The following CFAP45 variants were observed in gnomAD, a reference collection of about 807,000 sequenced individuals.
CFAP45 encodes cilia and flagella associated protein 45, also known as cilia- and flagella-associated protein 45.
CFAP45 carries 43 observed loss-of-function variants against 75.6 expected under a neutral mutation model. The observed-to-expected ratio is 0.57, with a 90% CI of 0.45 to 0.73. CFAP45 has a LOEUF of 0.73. Among genes scored for constraint, CFAP45 ranks in the 30% least tolerant of loss-of-function variants. The pLI, the probability that CFAP45 is intolerant of heterozygous loss-of-function variation, is 0.00. For missense variants in CFAP45, 689 were observed against 701.5 expected (o/e 0.98, Z 0.20); for synonymous variants, 223 against 244.6 (o/e 0.91, Z 0.82).
intron 8 of CFAP45, 69 bp downstream of exon 8, chr1:159,880,485 C>T: frequency 3.4e-6 from 5 of 1,454,040 alleles, no homozygotes; most frequent in Non-Finnish European, 3.8e-6. Flanking sequence ...TCCCTTAGTT[C>T]TCAGGCCCTC....
chr1:159,899,160 T>C (rs955015981), intron 1 of CFAP45, among the ~76,000 whole-genome samples: 2 of 152,144 alleles, frequency 1.3e-5, no homozygotes, highest in African/African-American at 2.4e-5. Context: ...CAGGCTTTGC[T>C]GGCCTTCTCA....
chr1:159,900,000 A>C, intron 1 of CFAP45, 96 bp downstream of exon 1: 1 of 1,426,406 alleles, frequency 7.0e-7, no homozygotes, highest in Non-Finnish European at 9.8e-7. Context: ...CCTGACCCCT[A>C]GACCCAACTG....
intron 4 of CFAP45, 148 bp from the exon 5 acceptor site, chr1:159,888,159 T>C (rs1430062256): frequency 8.4e-6 from 9 of 1,073,686 alleles, no homozygotes; most frequent in Non-Finnish European, 1.2e-5. Context: ...CTGGCTTCAT[T>C]CTCAGCCCTC....
chr1:159,886,617 G>C lies in CFAP45; in HGVS notation c.661C>G (p.Leu221Val). 3.7e-6 allele frequency: 6 copies of C among 1,614,082 alleles called. No homozygotes were observed. The highest frequency in any genetic ancestry group is 5.1e-6 in the Non-Finnish European group (6 of 1,179,978). ...ILEKQQIQKELDTEEKRLDQM... is the reference protein window; with the variant it reads ...ILEKQQIQKEVDTEEKRLDQM... ...TCCAACCGCTTCTCTTCTGTGTCCA[G>C]TTCTTTTTGGATCTGCTGCTTCTCC... Residue 221 changes from leucine to valine, a missense_variant, in exon 6 of 12, where the codon CTG becomes GTG. Coordinates refer to ENST00000368099, the MANE Select transcript of CFAP45 (RefSeq NM_012337.3).
intron 11 of CFAP45, 140 bp from the exon 12 acceptor site, chr1:159,872,703 C>A: frequency 2.4e-6 from 2 of 818,262 alleles, no homozygotes; most frequent in Non-Finnish European, 4.0e-6. Flanking sequence ...CCCCGAAACA[C>A]ACATTCATGC....
In CFAP45 at chr1:159,876,738, C is replaced by G; in HGVS notation, c.1170G>C (p.Arg390=). Residue 390 remains arginine, a synonymous_variant, in exon 10 of 12, where the codon CGG becomes CGC. Transcript: ENST00000368099. ...CTGCAACCTCCTGGTTGCGCTTGGC[C>G]CGCAAGGCATCCTGGGAATGTTGGC... ...QDYQAEQDAL[R]AKRNQEVADR... 1.2e-6 allele frequency: 2 copies of G among 1,614,176 alleles called. No homozygotes were observed. Among genetic ancestry groups the G allele is most frequent in the Non-Finnish European group, 1.7e-6 (2 of 1,180,022 alleles).
chr1:159,881,267 C>A (rs1011613832), intron 7 of CFAP45, among the ~76,000 whole-genome samples: 1 of 152,198 alleles, frequency 6.6e-6, no homozygotes, highest in Non-Finnish European at 1.5e-5. Context: ...AAGTGACTTC[C>A]CCACCGGCCA....
chr1:159,899,918 A>G (rs1650035378), intron 1 of CFAP45, 178 bp downstream of exon 1: 1 of 617,038 alleles, frequency 1.6e-6, no homozygotes, highest in African/African-American at 1.9e-5. Flanking sequence ...TGCTATCCCT[A>G]ATTCCTCTTT....
At chr1:159,893,355 G>C in intron 1 of CFAP45, 50 bp from the exon 2 acceptor site, 2 of 1,597,552 alleles carry the variant, frequency 1.3e-6, no homozygotes, top group Non-Finnish European at 1.7e-6. Flanking sequence ...GTGGCATCCA[G>C]ACCCTGGGAA....
chr1:159,890,182 C>G (rs969203552), intron 3 of CFAP45, among the ~76,000 whole-genome samples: 4 of 152,188 alleles, frequency 2.6e-5, no homozygotes, highest in African/African-American at 9.7e-5. Context: ...AGAGAGGACT[C>G]ACTAAGCACC....
At chr1:159,890,711 C>T (rs1649807523) in intron 2 of CFAP45, 89 bp from the exon 3 acceptor site, 4 of 1,167,234 alleles carry the variant, frequency 3.4e-6, no homozygotes, top group South Asian at 2.7e-5. Flanking sequence ...AGCGTGATGC[C>T]CTGTATCTGA....
intron 10 of CFAP45, 74 bp downstream of exon 10, chr1:159,876,482 T>G: frequency 9.0e-7 from 1 of 1,108,366 alleles, no homozygotes; most frequent in South Asian, 1.3e-5. Flanking sequence ...GCCAGAAAGC[T>G]TCTCTCTATC....
At chr1:159,876,452 C>A (rs777441356) in intron 10 of CFAP45, 104 bp downstream of exon 10, 2 of 823,238 alleles carry the variant, frequency 2.4e-6, no homozygotes, top group Non-Finnish European at 4.1e-6. Flanking sequence ...CAGACAAGAT[C>A]GACGAGCATC....
intron 7 of CFAP45, among the ~76,000 whole-genome samples, chr1:159,883,626 ATATATATATAT>A (rs1557913195): frequency 1.5e-5 from 2 of 130,866 alleles, no homozygotes; most frequent in Non-Finnish European, 1.6e-5. Flanking sequence ...ACAATAAAAT[ATATATATATAT>A]ATATATATAT....
chr1:159,889,075 A>G (rs142154044), intron 3 of CFAP45, among the ~76,000 whole-genome samples: 2 of 152,330 alleles, frequency 1.3e-5, no homozygotes, highest in Non-Finnish European at 2.9e-5. Flanking sequence ...TATAGATGCT[A>G]GTTAGAAACC....
intron 1 of CFAP45, among the ~76,000 whole-genome samples, chr1:159,897,213 A>G (rs1328505878): frequency 6.6e-6 from 1 of 151,928 alleles, no homozygotes; most frequent in East Asian, 1.9e-4. Flanking sequence ...GCAGTGAGCC[A>G]AGGTTGAGCC....
In CFAP45 at chr1:159,882,953, C is replaced by A. The variant is rs181872703; in HGVS notation, c.897+1483G>T. 4.0e-3 allele frequency among the ~76,000 whole-genome samples: 606 copies of A among 152,260 alleles called. 3 individuals carry two copies. The highest frequency in any genetic ancestry group is 6.0e-3 in the Non-Finnish European group (411 of 68,018). On this transcript the variant is annotated intron_variant, in intron 7 of 11. Transcript: ENST00000368099. Reference sequence around the variant, plus strand: ...TCATGCAGTTCACAGAGCTGTGTGCCCCTTCAGTTTCCCAACTACCCAGGT... The same window carrying A: ...TCATGCAGTTCACAGAGCTGTGTGCACCTTCAGTTTCCCAACTACCCAGGT...
In CFAP45 at chr1:159,887,879, G is replaced by A. The variant is rs374424131; in HGVS notation, c.550C>T (p.Arg184Trp). Residue 184 changes from arginine (R) to tryptophan (W), a missense_variant, in exon 5 of 12, where the codon CGG becomes TGG. By Grantham distance (101) the Arg-to-Trp change is moderately radical. Transcript: ENST00000368099. ...QNLLQRANKL[R>W]MEQEEELKDM... The stretch of plus-strand genomic sequence containing the variant: ...TTGAGCTCCTCCTCCTGCTCCATCC[G>A]CAGCTTGTTGGCTCTCTGCAGGAGG... The A allele has an allele frequency of 2.0e-5, 33 of 1,613,956 alleles. No homozygotes were observed. The African/African-American group carries it at 2.9e-4, about 14-fold the overall frequency.
rs773772527 is a variant in CFAP45, at chr1:159,876,631, T to C, written c.1277A>G (p.Glu426Gly). 8 of 1,614,194 alleles carry C rather than the reference T, an allele frequency of 5.0e-6. No homozygotes were observed. In the South Asian group the frequency reaches 8.8e-5, roughly 18 times the overall value. ...AGCGTGCTCCTTGAAAGCCACCTGT[T>C]CGAGCCGACTTTTTCGCAGCTCAGC... ...TEAELRKSRL[E>G]QVAFKEHALA... The change falls in exon 10 of 12, where the codon GAA becomes GGA. Residue 426 changes from glutamate to glycine, a missense_variant. By Grantham distance (98) the Glu-to-Gly change is moderately conservative. Coordinates refer to ENST00000368099, the MANE Select transcript of CFAP45 (RefSeq NM_012337.3).
Sources: gnomAD v4.1 joint callset for allele counts (sites outside exome capture counted in the v4.1 genomes callset) on GRCh38, gnomAD v4.1.1 for gene constraint, MANE v1.5 for transcripts, NCBI Gene and HGNC (gene_info 2026-07-23, HGNC 2026-07-21) for gene names.